IDH1: variants seen among roughly 807,000 people sequenced by gnomAD.
The protein encoded by IDH1 is isocitrate dehydrogenase [NADP] cytoplasmic.
A neutral mutation model predicts 46.1 loss-of-function variants in IDH1; 33 were observed. That is an observed-to-expected ratio of 0.72 (90% CI 0.54 to 0.96). The LOEUF (loss-of-function observed/expected upper bound fraction) is 0.96, where lower values mean the gene tolerates loss of function less well. Ranked by LOEUF, IDH1 falls within the 40% of genes least tolerant of loss-of-function variation. IDH1 has a pLI of 0.00. For synonymous variants in IDH1, 144 were observed against 172.8 expected (o/e 0.83, Z 1.31); for missense variants, 421 against 515.7 (o/e 0.82, Z 1.78).
rs114543007 is a variant in IDH1, at chr2:208,242,381, C to T, written c.699-236G>A. On this transcript the variant is annotated intron_variant, in intron 6 of 9. Transcript: ENST00000345146. ...AATTTTACCCACCTTGCAGGGAAGC[C>T]GTGAGAATTAAGTGAGACAGTAGAG... Among the ~76,000 whole-genome samples the T allele has an allele frequency of 7.3e-3, 1,104 of 152,218 alleles. 12 individuals carry two copies. Among genetic ancestry groups the T allele is most frequent in the African/African-American group, 0.025 (1,040 of 41,512 alleles).
intron 2 of IDH1, among the ~76,000 whole-genome samples, chr2:208,252,341 G>A (rs1688140098): frequency 6.6e-6 from 1 of 152,232 alleles, no homozygotes; most frequent in Non-Finnish European, 1.5e-5. Flanking sequence ...CTGTTCACAG[G>A]CAAGGGTAAG....
chr2:208,241,470 T>G (rs1295087063), intron 7 of IDH1, among the ~76,000 whole-genome samples: 1 of 150,800 alleles, frequency 6.6e-6, no homozygotes, highest in Non-Finnish European at 1.5e-5. Flanking sequence ...TGGCCTCAAG[T>G]GATCCACTGC....
chr2:208,238,039 CTT>C (rs71036995), intron 9 of IDH1, among the ~76,000 whole-genome samples: 7 of 143,720 alleles, frequency 4.9e-5, no homozygotes, highest in Admixed American at 1.4e-4. Context: ...ACACTGCAAT[CTT>C]TTTTTTTTTT....
intron 3 of IDH1, among the ~76,000 whole-genome samples, chr2:208,249,372 T>C (rs910662986): frequency 1.3e-5 from 2 of 152,172 alleles, no homozygotes; most frequent in Non-Finnish European, 2.9e-5. Flanking sequence ...TCTGTAATTC[T>C]TGAGCAAGTG....
Position 208,242,018 on chromosome 2 carries a change from C to T in IDH1, c.826G>A (p.Val276Met), listed in dbSNP as rs747951792. 6.8e-6 allele frequency: 11 copies of T among 1,612,386 alleles called. No homozygotes were observed. The highest frequency in any genetic ancestry group is 1.7e-5 in the Admixed American group (1 of 59,994). The change falls in exon 7 of 10, where the codon GTG becomes ATG. Residue 276 changes from valine to methionine, a missense_variant. By Grantham distance (21) the Val-to-Met change is conservative. Coordinates refer to ENST00000345146, the MANE Select transcript of IDH1 (RefSeq NM_005896.4). Reference protein sequence around the residue: ...IWACKNYDGDVQSDSVAQGYG... With the variant: ...IWACKNYDGDMQSDSVAQGYG... Reference sequence around the variant, plus strand: ...CCTTGGGCCACAGAGTCCGACTGCACGTCACCATCATAGTTTTTACAGGCC... The same window carrying T: ...CCTTGGGCCACAGAGTCCGACTGCATGTCACCATCATAGTTTTTACAGGCC...
intron 4 of IDH1, chr2:208,247,745 G>A (rs1483622173): frequency 6.5e-6 from 1 of 153,134 alleles, no homozygotes; most frequent in Admixed American, 6.5e-5. Context: ...CTCAAGCAGT[G>A]CTTCCAAATT....
intron 4 of IDH1, chr2:208,247,622 G>T (rs1688048023): frequency 6.6e-6 from 1 of 152,188 alleles, no homozygotes; most frequent in South Asian, 2.1e-4. Context: ...CTTTGTATAT[G>T]AATAAACAAA....
At chr2:208,247,296 C>T (rs940247666) in intron 4 of IDH1, 1 of 152,222 alleles carries the variant, frequency 6.6e-6, no homozygotes, top group African/African-American at 2.4e-5. Context: ...AGTTTCAACA[C>T]TGAACTTTGA....
chr2:208,239,893 T>G lies in IDH1; in HGVS notation c.961A>C (p.Lys321Gln). The G allele has an allele frequency of 6.2e-7, 1 of 1,614,178 alleles. No homozygotes were observed. Among genetic ancestry groups the G allele is most frequent in the Non-Finnish European group, 8.5e-7 (1 of 1,180,034 alleles). ...TVTRHYRMYQ[K>Q]GQETSTNPIA... ...GGATTGGTGGACGTCTCCTGTCCTT[T>G]CTGGTACATGCGGTAGTGACGGGTT... The change falls in exon 8 of 10, where the codon AAA becomes CAA. Residue 321 changes from lysine (K) to glutamine (Q), a missense_variant. Coordinates refer to ENST00000345146, the MANE Select transcript of IDH1 (RefSeq NM_005896.4).
chr2:208,251,494 G>A lies in IDH1; in HGVS notation c.58C>T (p.Arg20Ter), dbSNP rs912110895. ...VVEMQGDEMT[R>*]IIWELIKEKL... ...TCTTTAATCAATTCCCAAATGATTC[G>A]TGTCATTTCATCTCCTTGCATCTCT... Residue 20 changes from arginine (R) to a stop codon, truncating the protein, a stop_gained, in exon 3 of 10, where the codon CGA becomes TGA. Transcript: ENST00000345146. LOFTEE classifies it high-confidence loss of function. 1.4e-5 allele frequency: 22 copies of A among 1,612,304 alleles called. No homozygotes were observed. Among genetic ancestry groups the A allele is most frequent in the South Asian group, 3.3e-5 (3 of 91,052 alleles).
At chr2:208,242,825 C>T (rs1345941020) in intron 6 of IDH1, among the ~76,000 whole-genome samples, 1 of 150,256 alleles carries the variant, frequency 6.7e-6, no homozygotes, top group Admixed American at 6.7e-5. Context: ...AGTGCAGTGG[C>T]GTGATTTCGG....
chr2:208,243,122 G>A (rs529001613), intron 6 of IDH1, among the ~76,000 whole-genome samples: 1 of 152,296 alleles, frequency 6.6e-6, no homozygotes, highest in East Asian at 1.9e-4. Flanking sequence ...GTCTGACTTA[G>A]AAACTCACAC....
rs1424582220 is a variant in IDH1, at chr2:208,246,663, G to A, written c.415-1239C>T. ...AAAAAAAAAAAAAAAGAGGAAGGCC[G>A]GGCATGGTGGCATGCCTGTAATCCC... On this transcript the variant is annotated intron_variant, in intron 4 of 9. Coordinates refer to ENST00000345146, the MANE Select transcript of IDH1 (RefSeq NM_005896.4). Among the ~76,000 whole-genome samples, 13 of 149,746 alleles carry A rather than the reference G, an allele frequency of 8.7e-5. No individual in the cohort carries two copies. The East Asian group carries it at 1.4e-3, about 16-fold the overall frequency.
Position 208,237,129 on chromosome 2 carries a change from C to G in IDH1, c.1195G>C (p.Asp399His), listed in dbSNP as rs747809723. The G allele has an allele frequency of 6.2e-7, 1 of 1,610,824 alleles. No homozygotes were observed. The highest frequency in any genetic ancestry group is 1.1e-5 in the South Asian group (1 of 90,932). Reference protein sequence around the residue: ...SDYLNTFEFMDKLGENLKIKL... With the variant: ...SDYLNTFEFMHKLGENLKIKL... Reference sequence around the variant, plus strand: ...ATCTTCAAGTTTTCTCCAAGTTTATCCATGAACTCAAATGTATTCAAGTAG... The same window carrying G: ...ATCTTCAAGTTTTCTCCAAGTTTATGCATGAACTCAAATGTATTCAAGTAG... Residue 399 changes from aspartate (D) to histidine (H), a missense_variant, in exon 10 of 10, where the codon GAT (aspartate) becomes CAT (histidine). Asp to His is a moderately conservative substitution (Grantham distance 81). Transcript: ENST00000345146.
At chr2:208,241,345 C>T (rs1169926052) in intron 7 of IDH1, among the ~76,000 whole-genome samples, 1 of 152,052 alleles carries the variant, frequency 6.6e-6, no homozygotes, top group African/African-American at 2.4e-5. Flanking sequence ...ATGCTTTAGC[C>T]TCCTGAGTGC....
intron 3 of IDH1, among the ~76,000 whole-genome samples, chr2:208,250,237 GA>G (rs1408812078): frequency 1.3e-5 from 2 of 150,936 alleles, no homozygotes; most frequent in Non-Finnish European, 2.9e-5. Flanking sequence ...CCATTATAAG[GA>G]AAAGAACCCT....
intron 3 of IDH1, among the ~76,000 whole-genome samples, chr2:208,248,987 T>C (rs1273189968): frequency 6.6e-6 from 1 of 152,222 alleles, no homozygotes; most frequent in Non-Finnish European, 1.5e-5. Context: ...TTTCTCTCCA[T>C]ATAATTAGTA....
intron 2 of IDH1, 27 bp from the exon 3 acceptor site, chr2:208,251,594 T>C: frequency 6.4e-7 from 1 of 1,568,154 alleles, no homozygotes; most frequent in South Asian, 1.1e-5. Context: ...AATACATGCC[T>C]TGTCATTTAT....
chr2:208,240,938 AGAG>A (rs770398809), intron 7 of IDH1, among the ~76,000 whole-genome samples: 3 of 152,184 alleles, frequency 2.0e-5, no homozygotes, highest in East Asian at 3.8e-4. Flanking sequence ...TTTCAAACTG[AGAG>A]GAGATGTTTA....
Sources: gnomAD v4.1 joint callset for allele counts (sites outside exome capture counted in the v4.1 genomes callset) on GRCh38, gnomAD v4.1.1 for gene constraint, MANE v1.5 for transcripts, NCBI Gene and HGNC (gene_info 2026-07-23, HGNC 2026-07-21) for gene names.